Variants in ATXN1 observed in about 807,000 individuals in gnomAD.
ATXN1 encodes ataxin-1.
In ATXN1, 8 loss-of-function variants were observed where a neutral mutation model predicts 56.4. The ratio of observed to expected loss-of-function variants is 0.14; its 90% CI spans 0.08 to 0.26. The LOEUF is 0.26. ATXN1 is among the 10% of genes least tolerant of loss of function. ATXN1 has a pLI of 1.00. For synonymous variants in ATXN1, 514 were observed against 494.6 expected (o/e 1.04, Z -0.52); for missense variants, 987 against 1,106.5 (o/e 0.89, Z 1.53).
intron 6 of ATXN1, among the ~76,000 whole-genome samples, chr6:16,345,623 A>G (rs1162463441): frequency 6.6e-6 from 1 of 152,214 alleles, no homozygotes; most frequent in Non-Finnish European, 1.5e-5. Flanking sequence ...TGAATGGCTC[A>G]TTTTGAAAAG....
intron 6 of ATXN1, among the ~76,000 whole-genome samples, chr6:16,426,545 T>C (rs1759158378): frequency 6.6e-6 from 1 of 152,046 alleles, no homozygotes; most frequent in Non-Finnish European, 1.5e-5. Flanking sequence ...GCCATGTATG[T>C]AAGCAGAGCC....
chr6:16,548,862 G>A (rs1321591003), intron 4 of ATXN1, among the ~76,000 whole-genome samples: 2 of 152,210 alleles, frequency 1.3e-5, no homozygotes, highest in African/African-American at 4.8e-5. Context: ...GGCAGAGGTT[G>A]CAGTGAGCAG....
intron 2 of ATXN1, among the ~76,000 whole-genome samples, chr6:16,722,283 A>C (rs922601564): frequency 1.3e-5 from 2 of 152,212 alleles, no homozygotes; most frequent in Non-Finnish European, 2.9e-5. Context: ...ATGCCAAGAA[A>C]GGGCCCAAAG....
intron 6 of ATXN1, among the ~76,000 whole-genome samples, chr6:16,454,966 G>C (rs1759835179): frequency 6.6e-6 from 1 of 152,178 alleles, no homozygotes; most frequent in South Asian, 2.1e-4. Flanking sequence ...GGACTCAGCA[G>C]TGACCACCAC....
rs559238341 is a variant in ATXN1 at position 16,395,986 on chromosome 6, G to T, written c.-160-67516C>A. 3.9e-5 allele frequency among the ~76,000 whole-genome samples: 5 copies of T among 126,782 alleles called. No individual in the cohort carries two copies. The East Asian group carries it at 1.4e-3, about 35-fold the overall frequency. 83.2% of individuals were successfully genotyped at this position (126,782 alleles called of 152,430 possible). On this transcript the variant is annotated intron_variant, in intron 6 of 7. Transcript: ENST00000436367. ...GCTGAGATTGTGCCACTGCACTCCA[G>T]CCTGGTGACAGAGCGAGACTCCGTC...
intron 2 of ATXN1, among the ~76,000 whole-genome samples, chr6:16,712,583 C>CA (rs1759548796): frequency 6.6e-6 from 1 of 152,000 alleles, no homozygotes; most frequent in African/African-American, 2.4e-5. Context: ...ACATTACACT[C>CA]AAAAAAAGAA....
At chr6:16,443,648 C>T (rs773516789) in intron 6 of ATXN1, among the ~76,000 whole-genome samples, 2 of 152,116 alleles carry the variant, frequency 1.3e-5, no homozygotes, top group Admixed American at 1.3e-4. Context: ...CATTTTTGTT[C>T]GGAAATTATT....
At chr6:16,340,090 T>C (rs1254943501) in intron 6 of ATXN1, among the ~76,000 whole-genome samples, 2 of 152,178 alleles carry the variant, frequency 1.3e-5, no homozygotes, top group Admixed American at 1.3e-4. Flanking sequence ...CATGAAGAAT[T>C]TAACCTCACC....
At chr6:16,443,925 G>A (rs1223367063) in intron 6 of ATXN1, among the ~76,000 whole-genome samples, 1 of 152,056 alleles carries the variant, frequency 6.6e-6, no homozygotes, top group Non-Finnish European at 1.5e-5. Context: ...GACCATCCTG[G>A]CTAACACAGT....
At chr6:16,479,804 G>A (rs1159180519) in intron 6 of ATXN1, among the ~76,000 whole-genome samples, 2 of 152,120 alleles carry the variant, frequency 1.3e-5, no homozygotes, top group Non-Finnish European at 2.9e-5. Flanking sequence ...TACTAATGCT[G>A]GGAGGCATCA....
chr6:16,411,999 A>T (rs191637996), intron 6 of ATXN1, among the ~76,000 whole-genome samples: 1 of 152,212 alleles, frequency 6.6e-6, no homozygotes, highest in Non-Finnish European at 1.5e-5. Context: ...AAGACACCCA[A>T]TAAATATTAG....
rs759331296 is a variant in ATXN1 at position 16,606,867 on chromosome 6, T to TTGTGTGTGTGTGTG, written c.-488-20974_-488-20961dup. On this transcript the variant is annotated intron_variant, in intron 3 of 7. Transcript: ENST00000436367. ...GGGGGAAAGTATACAGTTCCATGAG[T>TTGTGTGTGTGTGTG]TGTGTGTGTGTGTGTGTGTGTTGTT... Among the ~76,000 whole-genome samples the TTGTGTGTGTGTGTG allele has an allele frequency of 1.2e-3, 152 of 126,806 alleles. 3 individuals are homozygous for TTGTGTGTGTGTGTG. The highest frequency in any genetic ancestry group is 4.0e-3 in the East Asian group (15 of 3,726). The allele number at this position is 126,806 out of a possible 152,430, so 83.2% of individuals were successfully genotyped here.
intron 2 of ATXN1, among the ~76,000 whole-genome samples, chr6:16,727,347 G>T (rs1478349236): frequency 1.3e-5 from 2 of 152,148 alleles, no homozygotes; most frequent in Non-Finnish European, 2.9e-5. Flanking sequence ...CCAAAGTGAG[G>T]TTTGATGCTG....
At chr6:16,340,359 T>C (rs1309943404) in intron 6 of ATXN1, among the ~76,000 whole-genome samples, 1 of 152,232 alleles carries the variant, frequency 6.6e-6, no homozygotes, top group East Asian at 1.9e-4. Flanking sequence ...ATAAAAACTC[T>C]AGATGCTGAG....
chr6:16,382,945 G>C (rs1404921159), intron 6 of ATXN1, among the ~76,000 whole-genome samples: 1 of 152,064 alleles, frequency 6.6e-6, no homozygotes, highest in Non-Finnish European at 1.5e-5. Context: ...TAGGGAGCAT[G>C]GCACCATGCT....
In ATXN1 at chr6:16,306,321, C is replaced by T. The variant is rs1414135084; in HGVS notation, c.*8G>A. 3.8e-6 allele frequency: 6 copies of T among 1,589,864 alleles called. No individual in the cohort carries two copies. The highest frequency in any genetic ancestry group is 4.3e-6 in the Non-Finnish European group (5 of 1,169,032). ...GGAGAGCCACGTTTCCTTTCCCCCA[C>T]GCTGCCTCTACTTGCCTACATTAGA... On this transcript the variant is annotated 3_prime_UTR_variant, in exon 8 of 8. Transcript: ENST00000436367. This position sits in a 1 kb window ranked among gnomAD's most constrained non-coding sequence, Gnocchi z 5.2.
intron 3 of ATXN1, among the ~76,000 whole-genome samples, chr6:16,627,879 A>AG (rs1305923198): frequency 3.3e-5 from 5 of 152,222 alleles, no homozygotes; most frequent in African/African-American, 1.2e-4. Context: ...ATGAAGAAGA[A>AG]ACAAGGACAA....
chr6:16,461,193 C>A (rs186556848), intron 6 of ATXN1, among the ~76,000 whole-genome samples: 28 of 152,314 alleles, frequency 1.8e-4, no homozygotes, highest in African/African-American at 5.5e-4. Context: ...ATGGAACAAC[C>A]CCCTCCAAGA....
chr6:16,676,978 G>C (rs539755401), intron 2 of ATXN1, among the ~76,000 whole-genome samples: 1 of 151,936 alleles, frequency 6.6e-6, no homozygotes, highest in East Asian at 1.9e-4. Flanking sequence ...CTAGGCGTTT[G>C]TCTCATTTTG....
Sources: gnomAD v4.1 joint callset for allele counts (sites outside exome capture counted in the v4.1 genomes callset) on GRCh38, gnomAD v4.1.1 for gene constraint, Gnocchi (gnomAD v3.1) non-coding constraint, MANE v1.5 for transcripts, NCBI Gene and HGNC (gene_info 2026-07-23, HGNC 2026-07-21) for gene names.